The following MYLK variants were observed in gnomAD, a reference collection of about 807,000 sequenced individuals.
MYLK encodes the protein myosin light chain kinase, smooth muscle.
MYLK carries 106 observed loss-of-function variants against 203.4 expected under a neutral mutation model. The observed-to-expected ratio is 0.52, with a 90% CI of 0.45 to 0.61. The LOEUF is 0.61. Among genes scored for constraint, MYLK ranks in the 20% least tolerant of loss-of-function variants. The pLI, the probability that MYLK is intolerant of heterozygous loss-of-function variation, is 0.00. For missense variants in MYLK, 2,072 were observed against 2,442.3 expected (o/e 0.85, Z 3.20); for synonymous variants, 867 against 959.5 (o/e 0.90, Z 1.78).
intron 8 of MYLK, 119 bp downstream of exon 8, chr3:123,737,259 T>G: frequency 8.1e-7 from 1 of 1,230,710 alleles, no homozygotes; most frequent in Non-Finnish European, 1.2e-6. Context: ...GGGGAGTGCC[T>G]GGGTGTGTGA....
chr3:123,803,189 T>C (rs1277947056), intron 3 of MYLK, among the ~76,000 whole-genome samples: 4 of 152,176 alleles, frequency 2.6e-5, no homozygotes, highest in Admixed American at 2.0e-4. Flanking sequence ...CTACTGCTAA[T>C]AGCCTCGTAG....
rs71142760 is a variant in MYLK, at chr3:123,820,611, T to TTTCCTTCCTTCCTTCCTTCCTTCC, written c.-4+10913_-4+10936dup. 4.5e-3 allele frequency among the ~76,000 whole-genome samples: 618 copies of TTTCCTTCCTTCCTTCCTTCCTTCC among 136,212 alleles called. 19 individuals carry two copies. Among genetic ancestry groups the TTTCCTTCCTTCCTTCCTTCCTTCC allele is most frequent in the African/African-American group, 0.015 (547 of 36,632 alleles). The allele number at this position is 136,212 out of a possible 152,430, so 89.4% of individuals were successfully genotyped here. A position where few individuals can be genotyped will look rare whatever the true frequency, so the allele number is the denominator to read the frequency against. On this transcript the variant is annotated intron_variant, in intron 3 of 33. Coordinates refer to ENST00000360304, the MANE Select transcript of MYLK (RefSeq NM_053025.4). ...ATTCAGCTAAGCTACCAGTGATTGATTTCCTTCCTTCCTTCCTTCCTTCCT... is the reference window on the plus strand; with the variant it reads ...ATTCAGCTAAGCTACCAGTGATTGATTTCCTTCCTTCCTTCCTTCCTTCCTTCCTTCCTTCCTTCCTTCCTTCCT...
intron 20 of MYLK, chr3:123,681,879 G>A: frequency 5.5e-6 from 2 of 361,742 alleles, no homozygotes; most frequent in South Asian, 2.7e-5. Flanking sequence ...GGGAGGGCAG[G>A]ATCAACTGGG....
In MYLK at chr3:123,640,206, GT is replaced by G. The variant is rs1454988631; in HGVS notation, c.4837+80del. 7.5e-7 allele frequency: 1 copy of G among 1,331,832 alleles called. No individual in the cohort carries two copies. Among genetic ancestry groups the G allele is most frequent in the African/African-American group, 1.5e-5 (1 of 68,932 alleles). The allele number at this position is 1,331,832 out of a possible 1,614,324, so 82.5% of individuals were successfully genotyped here. On this transcript the variant is annotated intron_variant, in intron 28 of 33. Coordinates refer to ENST00000360304, the MANE Select transcript of MYLK (RefSeq NM_053025.4). The surrounding 1 kb of genome is among the most constrained non-coding windows in gnomAD (Gnocchi z 4.3). ...CTCGGATTTAACCCCAATACTGTAT[GT>G]TTCCTCTCACACTCAGTGTGAGAGG...
chr3:123,738,420 C>T (rs759703817), intron 7 of MYLK, among the ~76,000 whole-genome samples: 1 of 152,060 alleles, frequency 6.6e-6, no homozygotes, highest in African/African-American at 2.4e-5. Context: ...CCCTGAGAAC[C>T]GCCTGAAACA....
Position 123,640,206 on chromosome 3 carries a change from G to A in MYLK, c.4837+81C>T. The stretch of plus-strand genomic sequence containing the variant: ...CTCGGATTTAACCCCAATACTGTAT[G>A]TTTCCTCTCACACTCAGTGTGAGAG... On this transcript the variant is annotated intron_variant, in intron 28 of 33. Coordinates refer to ENST00000360304, the MANE Select transcript of MYLK (RefSeq NM_053025.4). This position sits in a 1 kb window ranked among gnomAD's most constrained non-coding sequence, Gnocchi z 4.3. 7.5e-7 allele frequency: 1 copy of A among 1,331,950 alleles called. No homozygotes were observed. Among genetic ancestry groups the A allele is most frequent in the Non-Finnish European group, 1.1e-6 (1 of 926,136 alleles). The allele number at this position is 1,331,950 out of a possible 1,614,324, so 82.5% of individuals were successfully genotyped here. A position where few individuals can be genotyped will look rare whatever the true frequency, so the allele number is the denominator to read the frequency against.
intron 2 of MYLK, among the ~76,000 whole-genome samples, chr3:123,837,158 T>C (rs1016077161): frequency 1.3e-5 from 2 of 152,098 alleles, no homozygotes; most frequent in Non-Finnish European, 2.9e-5. Flanking sequence ...CTCAGCCTCC[T>C]GAGTAGCTGG....
intron 31 of MYLK, among the ~76,000 whole-genome samples, chr3:123,626,393 A>G (rs902278511): frequency 3.7e-4 from 56 of 152,360 alleles, no homozygotes; most frequent in African/African-American, 1.3e-3. Context: ...TGGTGGGACC[A>G]TGTCTCTCTC....
At position 123,648,899 on chromosome 3, in the gene MYLK, C is replaced by T. The variant is rs2059113368; in HGVS notation, c.4415+72G>A. The T allele has an allele frequency of 1.4e-5, 18 of 1,293,498 alleles. No individual in the cohort carries two copies. The highest frequency in any genetic ancestry group is 2.0e-5 in the Non-Finnish European group (18 of 891,162). 80.1% of individuals were successfully genotyped at this position (1,293,498 alleles called of 1,614,324 possible). On this transcript the variant is annotated intron_variant, in intron 26 of 33. Transcript: ENST00000360304. This position sits in a 1 kb window ranked among gnomAD's most constrained non-coding sequence, Gnocchi z 4.5. ...CCCAGGGAGCAACAGGAAGCTGAGG[C>T]ACTGAATCTAACTGTGAGACCCGCA...
intron 4 of MYLK, among the ~76,000 whole-genome samples, chr3:123,786,587 A>G (rs1338387319): frequency 6.6e-6 from 1 of 152,042 alleles, no homozygotes; most frequent in Non-Finnish European, 1.5e-5. Context: ...AAGACCTACT[A>G]TTCGATAGCA....
intron 3 of MYLK, among the ~76,000 whole-genome samples, chr3:123,826,979 A>G (rs1323851354): frequency 2.0e-5 from 3 of 152,236 alleles, no homozygotes; most frequent in African/African-American, 7.2e-5. Context: ...CCAGATGCAT[A>G]GAAATCAATG....
rs369756740 is a variant in MYLK, at chr3:123,640,533, G to A, written c.4620-29C>T. 1 of 1,612,306 alleles carries A rather than the reference G, an allele frequency of 6.2e-7. No individual in the cohort carries two copies. The highest frequency in any genetic ancestry group is 8.5e-7 in the Non-Finnish European group (1 of 1,179,280). The stretch of plus-strand genomic sequence containing the variant: ...CGGGAACACGTGCACGGGGTGGTCA[G>A]GCCACAGGCTCATGGAGGCCAGGCT... On this transcript the variant is annotated intron_variant, in intron 27 of 33. Transcript: ENST00000360304. The surrounding 1 kb of genome is among the most constrained non-coding windows in gnomAD (Gnocchi z 4.3).
intron 23 of MYLK, among the ~76,000 whole-genome samples, chr3:123,662,792 T>C (rs2059606792): frequency 6.6e-6 from 1 of 152,148 alleles, no homozygotes; most frequent in African/African-American, 2.4e-5. Context: ...AGCTGAGAGT[T>C]TTGTGCACTG....
chr3:123,648,970 C>T lies in MYLK; in HGVS notation c.4415+1G>A, dbSNP rs1430822242. 4 of 1,613,954 alleles carry T rather than the reference C, an allele frequency of 2.5e-6. No individual in the cohort carries two copies. The highest frequency in any genetic ancestry group is 1.7e-5 in the Admixed American group (1 of 60,028). ...CAGAGGCAACTTCCCACTCCACTTA[C>T]GATCCTAATCTCTCCTCAATGTCGT... On this transcript the variant is annotated splice_donor_variant, in intron 26 of 33. Transcript: ENST00000360304. LOFTEE classifies it high-confidence loss of function. The surrounding 1 kb of genome is among the most constrained non-coding windows in gnomAD (Gnocchi z 4.5).
intron 3 of MYLK, among the ~76,000 whole-genome samples, chr3:123,804,724 T>C (rs1437682030): frequency 6.6e-6 from 1 of 152,180 alleles, no homozygotes; most frequent in Non-Finnish European, 1.5e-5. Flanking sequence ...TGAGAGAAGC[T>C]GCCCAGGCCT....
intron 2 of MYLK, among the ~76,000 whole-genome samples, chr3:123,856,360 G>A (rs1372132258): frequency 1.3e-5 from 2 of 152,202 alleles, no homozygotes; most frequent in Non-Finnish European, 2.9e-5. Flanking sequence ...GTACCAGGTT[G>A]AATGAGGCAC....
intron 20 of MYLK, among the ~76,000 whole-genome samples, chr3:123,673,757 C>T (rs1304448129): frequency 6.6e-6 from 1 of 152,096 alleles, no homozygotes; most frequent in Non-Finnish European, 1.5e-5. Context: ...TCTCTGACAC[C>T]CTAAACTTTG....
chr3:123,831,261 G>T (rs1044613086), intron 3 of MYLK: 3 of 735,018 alleles, frequency 4.1e-6, no homozygotes, highest in African/African-American at 3.6e-5. Context: ...AGCAGCCAGG[G>T]CAACCCGCAG....
At chr3:123,790,130 G>A (rs146249195) in intron 4 of MYLK, among the ~76,000 whole-genome samples, 4 of 152,260 alleles carry the variant, frequency 2.6e-5, no homozygotes, top group Admixed American at 6.5e-5. Context: ...AATCCTTAGC[G>A]TGCAGGCTTG....
Sources: allele counts gnomAD v4.1 joint callset (sites outside exome capture counted in the v4.1 genomes callset), GRCh38; gene constraint gnomAD v4.1.1; non-coding constraint Gnocchi (gnomAD v3.1); transcripts MANE v1.5; gene names NCBI Gene and HGNC (gene_info 2026-07-23, HGNC 2026-07-21).